The following GPR141 variants were observed in gnomAD, a reference collection of about 807,000 sequenced individuals.
The protein encoded by GPR141 is G protein-coupled receptor 141.
In GPR141, 6 loss-of-function variants were observed where a neutral mutation model predicts 6.8. The observed-to-expected ratio is 0.88, with a 90% CI of 0.48 to 1.74. The LOEUF (loss-of-function observed/expected upper bound fraction) is 1.74. GPR141 is among the 40% of genes most tolerant of loss of function. GPR141 has a pLI of 0.01. For synonymous variants in GPR141, 140 were observed against 142.3 expected (o/e 0.98, Z 0.11); for missense variants, 372 against 372.9 (o/e 1.00, Z 0.02).
At position 37,730,470 on chromosome 7, in the gene GPR141, T is replaced by C. The variant is rs377431994; in HGVS notation, c.-14-9910T>C. 5.3e-5 allele frequency among the ~76,000 whole-genome samples: 8 copies of C among 152,328 alleles called. No individual in the cohort carries two copies. In the East Asian group the frequency reaches 1.2e-3, roughly 22 times the overall value. On this transcript the variant is annotated intron_variant, in intron 2 of 2. Transcript: ENST00000334425. ...GAATATTAAGAAATCTAAACATATA[T>C]CATCTAAAGCTGGCATCCAGGAAAA...
intron 2 of GPR141, among the ~76,000 whole-genome samples, chr7:37,724,141 C>G (rs762872116): frequency 7.9e-5 from 12 of 152,112 alleles, no homozygotes; most frequent in Admixed American, 2.6e-4. Flanking sequence ...TGCATCCTCA[C>G]CTTTAGAGAG....
intron 2 of GPR141, among the ~76,000 whole-genome samples, chr7:37,688,881 C>G (rs1182631684): frequency 6.6e-6 from 1 of 152,066 alleles, no homozygotes. Context: ...TTCTTTTCCC[C>G]TTTCTTTTAA....
At chr7:37,726,988 G>A (rs552340426) in intron 2 of GPR141, among the ~76,000 whole-genome samples, 12 of 152,290 alleles carry the variant, frequency 7.9e-5, no homozygotes, top group African/African-American at 2.9e-4. Flanking sequence ...AATGGAGTTC[G>A]TATTACTAGT....
At chr7:37,684,854 C>T (rs1192214571) in intron 1 of GPR141, among the ~76,000 whole-genome samples, 1 of 152,132 alleles carries the variant, frequency 6.6e-6, no homozygotes, top group East Asian at 1.9e-4. Flanking sequence ...GGATTTTAAT[C>T]AGTCAATAGA....
intron 2 of GPR141, among the ~76,000 whole-genome samples, chr7:37,710,654 T>G (rs1374985218): frequency 6.6e-6 from 1 of 152,244 alleles, no homozygotes; most frequent in Non-Finnish European, 1.5e-5. Context: ...TTAATAAGTA[T>G]AAATAAATGG....
chr7:37,702,099 T>C (rs914186582), intron 2 of GPR141, among the ~76,000 whole-genome samples: 1 of 152,212 alleles, frequency 6.6e-6, no homozygotes, highest in Non-Finnish European at 1.5e-5. Flanking sequence ...GATTTTTTTC[T>C]TTCAAAACTT....
chr7:37,741,020 G>A lies in GPR141; in HGVS notation c.627G>A (p.Gln209=). ...TCTTCATCATTATGTTGATGGTGCA[G>A]AAGCTACGCCACTCTTTACTATCCC... The part of the protein sequence containing the change: ...FQVFIIMLMV[Q]KLRHSLLSHQ... The change falls in exon 3 of 3, where the codon CAG becomes CAA. Residue 209 remains glutamine, a synonymous_variant. Coordinates refer to ENST00000334425, the MANE Select transcript of GPR141 (RefSeq NM_001381946.1). 6.2e-7 allele frequency: 1 copy of A among 1,614,134 alleles called. No homozygotes were observed. Among genetic ancestry groups the A allele is most frequent in the Non-Finnish European group, 8.5e-7 (1 of 1,179,990 alleles).
chr7:37,732,540 G>A (rs1371503534), intron 2 of GPR141, among the ~76,000 whole-genome samples: 3 of 152,134 alleles, frequency 2.0e-5, no homozygotes, highest in African/African-American at 7.2e-5. Flanking sequence ...AAGGAATTTG[G>A]AAGTTGGAAA....
At chr7:37,731,073 C>G (rs368263514) in intron 2 of GPR141, among the ~76,000 whole-genome samples, 11 of 152,324 alleles carry the variant, frequency 7.2e-5, no homozygotes, top group African/African-American at 2.6e-4. Flanking sequence ...AAATAAACCA[C>G]TGTACAAAGA....
At chr7:37,718,917 GTTTTA>G (rs1482163625) in intron 2 of GPR141, among the ~76,000 whole-genome samples, 3 of 152,082 alleles carry the variant, frequency 2.0e-5, no homozygotes, top group Admixed American at 2.0e-4. Context: ...GCTCACATTT[GTTTTA>G]TTTTAGGCTT....
chr7:37,691,214 T>G (rs889099781), intron 2 of GPR141, among the ~76,000 whole-genome samples: 6 of 151,198 alleles, frequency 4.0e-5, no homozygotes, highest in Non-Finnish European at 1.5e-5. Context: ...ACAGGTGAAG[T>G]AAGTTTATTG....
intron 2 of GPR141, among the ~76,000 whole-genome samples, chr7:37,697,014 A>G (rs1810049238): frequency 6.6e-6 from 1 of 152,184 alleles, no homozygotes; most frequent in Non-Finnish European, 1.5e-5. Context: ...GAGAGATTCA[A>G]AGATATTTTT....
At chr7:37,713,395 T>G (rs1035313490) in intron 2 of GPR141, 1 of 152,190 alleles carries the variant, frequency 6.6e-6, no homozygotes, top group Non-Finnish European at 1.5e-5. Context: ...CAAGCAATCC[T>G]TCTACCTTGG....
Position 37,707,321 on chromosome 7 carries a change from C to T in GPR141, c.-15+21738C>T, listed in dbSNP as rs1810571771. ...TCAATGTAGGCTTAGAGAGGTCAAA[C>T]AACTTGCTCAATTTCAGATAGCTAA... On this transcript the variant is annotated intron_variant, in intron 2 of 2. Transcript: ENST00000334425. Among the ~76,000 whole-genome samples, 4 of 152,304 alleles carry T rather than the reference C, an allele frequency of 2.6e-5. 1 individual carries two copies. In the South Asian group the frequency reaches 8.3e-4, roughly 32 times the overall value.
At chr7:37,731,687 C>T (rs866636709) in intron 2 of GPR141, among the ~76,000 whole-genome samples, 10 of 152,288 alleles carry the variant, frequency 6.6e-5, no homozygotes, top group Middle Eastern at 3.4e-3. Context: ...CTCCTGACCT[C>T]GTGATCCGCC....
chr7:37,705,162 TA>T (rs201905857), intron 2 of GPR141, among the ~76,000 whole-genome samples: 2 of 152,344 alleles, frequency 1.3e-5, no homozygotes, highest in East Asian at 1.9e-4. Context: ...ATGTTAAATT[TA>T]AAACATTCTA....
chr7:37,715,776 T>A (rs1176788411), intron 2 of GPR141, among the ~76,000 whole-genome samples: 1 of 152,150 alleles, frequency 6.6e-6, no homozygotes, highest in Non-Finnish European at 1.5e-5. Flanking sequence ...GAGGTGAGTA[T>A]TAGTTTAAAT....
At chr7:37,689,073 C>G (rs1809642889) in intron 2 of GPR141, among the ~76,000 whole-genome samples, 1 of 152,128 alleles carries the variant, frequency 6.6e-6, no homozygotes, top group Admixed American at 6.5e-5. Context: ...TTCTTTCCTT[C>G]TCTCAGGCCC....
At chr7:37,694,000 G>T (rs1190100789) in intron 2 of GPR141, among the ~76,000 whole-genome samples, 8 of 152,192 alleles carry the variant, frequency 5.3e-5, no homozygotes, top group Non-Finnish European at 1.2e-4. Flanking sequence ...ATTTCCTTGG[G>T]ATATAGGGCA....
Sources: gnomAD v4.1 joint callset for allele counts (sites outside exome capture counted in the v4.1 genomes callset) on GRCh38, gnomAD v4.1.1 for gene constraint, MANE v1.5 for transcripts, NCBI Gene and HGNC (gene_info 2026-07-23, HGNC 2026-07-21) for gene names.